The following LIPA variants were observed in gnomAD, a reference collection of about 807,000 sequenced individuals.
LIPA encodes lysosomal acid lipase/cholesteryl ester hydrolase.
In LIPA, 26 loss-of-function variants were observed where a neutral mutation model predicts 40.6. The observed-to-expected ratio is 0.64, with a 90% CI of 0.47 to 0.89. LIPA has a LOEUF of 0.89. LIPA is among the 40% of genes least tolerant of loss of function. The pLI, the probability that LIPA is intolerant of heterozygous loss-of-function variation, is 0.00. For missense variants in LIPA, 455 were observed against 479.6 expected, an observed-to-expected ratio of 0.95 and a Z score of 0.48; for synonymous variants, 188 against 168.4, an observed-to-expected ratio of 1.12 and a Z score of -0.90.
intron 1 of LIPA, among the ~76,000 whole-genome samples, chr10:89,272,535 T>C (rs776696677): frequency 6.6e-6 from 1 of 152,240 alleles, no homozygotes; most frequent in Non-Finnish European, 1.5e-5. Flanking sequence ...TTTTCTATTG[T>C]GAATAGTGCT....
intron 3 of LIPA, among the ~76,000 whole-genome samples, 153 bp downstream of exon 3, chr10:89,245,523 A>G (rs1843012085): frequency 6.6e-6 from 1 of 152,218 alleles, no homozygotes; most frequent in African/African-American, 2.4e-5. Context: ...CTTTAAAAGA[A>G]AATTATTTTT....
rs895447440 is a variant in LIPA at position 89,398,350 on chromosome 10, A to C, written c.61+14441T>G. ...CCCTGAAAGGGGAACAATAAATGTT[A>C]ATTCCCTACAGGTTGTGTTGGCTCC... On this transcript the variant is annotated intron_variant, in intron 2 of 8. Transcript: ENST00000371837. Among the ~76,000 whole-genome samples the C allele has an allele frequency of 5.3e-5, 8 of 152,188 alleles. 1 individual carries two copies. The highest frequency in any genetic ancestry group is 1.9e-4 in the African/African-American group (8 of 41,442).
intron 1 of LIPA, among the ~76,000 whole-genome samples, chr10:89,260,293 T>A (rs1489260503): frequency 6.6e-6 from 1 of 152,170 alleles, no homozygotes; most frequent in Non-Finnish European, 1.5e-5. Context: ...ATTTAACCCA[T>A]TTTCATTCAG....
intron 2 of LIPA, chr10:89,402,832 A>T (rs1459705717): frequency 1.2e-6 from 2 of 1,614,068 alleles, no homozygotes; most frequent in Non-Finnish European, 1.7e-6. Flanking sequence ...ATCTCTGCCT[A>T]TCGCCTGGAT....
chr10:89,226,311 C>T (rs993660347), intron 5 of LIPA, among the ~76,000 whole-genome samples: 3 of 152,138 alleles, frequency 2.0e-5, no homozygotes, highest in African/African-American at 7.2e-5. Context: ...AGGTGTTAGT[C>T]ATAGTAAACA....
intron 3 of LIPA, among the ~76,000 whole-genome samples, chr10:89,243,093 T>G (rs1842982303): frequency 1.3e-5 from 2 of 152,196 alleles, no homozygotes. Context: ...GGAAGCGGGA[T>G]GCATGAGAAG....
chr10:89,303,074 T>C (rs558212298), intron 1 of LIPA, among the ~76,000 whole-genome samples: 14 of 152,268 alleles, frequency 9.2e-5, no homozygotes, highest in Admixed American at 2.6e-4. Context: ...CCAGAATCTA[T>C]AGAACCCTTT....
intron 1 of LIPA, among the ~76,000 whole-genome samples, chr10:89,268,847 G>A (rs913728624): frequency 7.2e-5 from 11 of 151,904 alleles, no homozygotes; most frequent in African/African-American, 1.9e-4. Flanking sequence ...TTAGCTGGGC[G>A]CGGTGACGGG....
At chr10:89,284,299 G>A (rs1467057517) in intron 1 of LIPA, 2 of 152,230 alleles carry the variant, frequency 1.3e-5, no homozygotes, top group African/African-American at 4.8e-5. Context: ...AGGAGCATGA[G>A]GCTATATTCA....
chr10:89,312,149 AT>A, intron 1 of LIPA, among the ~76,000 whole-genome samples: 1 of 152,230 alleles, frequency 6.6e-6, no homozygotes, highest in East Asian at 1.9e-4. Flanking sequence ...TCTCCTAATA[AT>A]TCAACAAAGG....
At chr10:89,315,043 C>G (rs1427410015) in intron 1 of LIPA, among the ~76,000 whole-genome samples, 1 of 152,194 alleles carries the variant, frequency 6.6e-6, no homozygotes, top group East Asian at 1.9e-4. Flanking sequence ...AGATAGGCAA[C>G]TTTTCCCTGG....
At chr10:89,225,595 C>A (rs1420770108) in intron 5 of LIPA, among the ~76,000 whole-genome samples, 1 of 152,164 alleles carries the variant, frequency 6.6e-6, no homozygotes, top group Non-Finnish European at 1.5e-5. Context: ...TGCCCCTCCC[C>A]CAAAGAACAA....
chr10:89,352,756 C>T (rs1458849818), intron 2 of LIPA, among the ~76,000 whole-genome samples: 1 of 146,832 alleles, frequency 6.8e-6, no homozygotes. Flanking sequence ...AACCTGCTCC[C>T]ATTTTATTCC....
At chr10:89,294,708 C>G (rs1843398806) in intron 1 of LIPA, among the ~76,000 whole-genome samples, 1 of 149,800 alleles carries the variant, frequency 6.7e-6, no homozygotes. Context: ...AGTGCTGTGG[C>G]TTATGCCTGT....
chr10:89,402,391 T>G (rs1844440887), intron 2 of LIPA: 1 of 1,613,966 alleles, frequency 6.2e-7, no homozygotes, highest in Non-Finnish European at 8.5e-7. Flanking sequence ...GAAAACAGAG[T>G]CTTGGATCAG....
intron 1 of LIPA, among the ~76,000 whole-genome samples, chr10:89,331,612 C>G (rs1482111383): frequency 6.6e-6 from 1 of 152,154 alleles, no homozygotes; most frequent in Non-Finnish European, 1.5e-5. Flanking sequence ...ATAAGCCCAA[C>G]ACTTTGGGAG....
intron 3 of LIPA, 85 bp downstream of exon 3, chr10:89,245,591 A>T: frequency 1.3e-6 from 1 of 785,822 alleles, no homozygotes; most frequent in Non-Finnish European, 2.3e-6. Context: ...ATCCCATTTC[A>T]ATGTTTTTAA....
At chr10:89,331,686 C>A (rs1414966304) in intron 1 of LIPA, among the ~76,000 whole-genome samples, 1 of 151,596 alleles carries the variant, frequency 6.6e-6, no homozygotes, top group African/African-American at 2.4e-5. Flanking sequence ...TAGTGAGACC[C>A]CGTCTGTACT....
chr10:89,219,507 G>T (rs1346278107), intron 8 of LIPA, among the ~76,000 whole-genome samples: 2 of 152,208 alleles, frequency 1.3e-5, no homozygotes, highest in Non-Finnish European at 2.9e-5. Context: ...AAAGAACAAG[G>T]TATGGAATTT....
Sources: allele counts gnomAD v4.1 joint callset (sites outside exome capture counted in the v4.1 genomes callset), GRCh38; gene constraint gnomAD v4.1.1; transcripts MANE v1.5; gene names NCBI Gene and HGNC (gene_info 2026-07-23, HGNC 2026-07-21).